The following CORO2B variants were observed in gnomAD, a reference collection of about 807,000 sequenced individuals.
The protein encoded by CORO2B is coronin 2B, also known as coronin-2B.
CORO2B carries 26 observed loss-of-function variants against 58.8 expected under a neutral mutation model. The observed-to-expected ratio is 0.44, with a 90% CI of 0.32 to 0.61. CORO2B has a LOEUF of 0.61. CORO2B is among the 20% of genes least tolerant of loss of function. The pLI is 0.04. For synonymous variants in CORO2B, 242 were observed against 253.8 expected (o/e 0.95, Z 0.44); for missense variants, 460 against 645.1 (o/e 0.71, Z 3.11).
intron 2 of CORO2B, among the ~76,000 whole-genome samples, chr15:68,691,250 AC>A (rs1415725838): frequency 2.7e-5 from 4 of 146,590 alleles, no homozygotes; most frequent in African/African-American, 7.7e-5. Flanking sequence ...AATGGCGTGA[AC>A]CCCGGGGGGC....
chr15:68,665,520 AT>A (rs1902163736), intron 2 of CORO2B, among the ~76,000 whole-genome samples: 1 of 150,668 alleles, frequency 6.6e-6, no homozygotes, highest in Non-Finnish European at 1.5e-5. Context: ...AAATATTGAT[AT>A]TTTATTGGGA....
At chr15:68,595,370 T>G (rs1170859838) in intron 1 of CORO2B, among the ~76,000 whole-genome samples, 1 of 152,226 alleles carries the variant, frequency 6.6e-6, no homozygotes, top group Non-Finnish European at 1.5e-5. Context: ...CCCTGGGAGT[T>G]GCAGACACCA....
At chr15:68,644,049 GAA>G (rs1901344400) in intron 1 of CORO2B, among the ~76,000 whole-genome samples, 1 of 151,256 alleles carries the variant, frequency 6.6e-6, no homozygotes, top group Non-Finnish European at 1.5e-5. Context: ...CAAACAAAAA[GAA>G]AAACCAACAA....
the CORO2B span, among the ~76,000 whole-genome samples, chr15:68,534,752 T>C: frequency 6.6e-6 from 1 of 152,158 alleles, no homozygotes; most frequent in Non-Finnish European, 1.5e-5. Flanking sequence ...ATGCTGCTGA[T>C]AAAGACATAC....
intron 2 of CORO2B, among the ~76,000 whole-genome samples, chr15:68,680,231 C>T (rs936353214): frequency 6.6e-6 from 1 of 152,034 alleles, no homozygotes; most frequent in Non-Finnish European, 1.5e-5. Flanking sequence ...GTCATTTGAT[C>T]CTGAATATAG....
intron 6 of CORO2B, 96 bp downstream of exon 6, chr15:68,714,137 C>T: frequency 1.3e-6 from 1 of 768,820 alleles, no homozygotes; most frequent in South Asian, 1.7e-5. Flanking sequence ...GGCCCGCACA[C>T]CAGCTTCTCA....
intron 2 of CORO2B, among the ~76,000 whole-genome samples, chr15:68,649,853 C>T (rs1901576188): frequency 6.6e-6 from 1 of 152,062 alleles, no homozygotes; most frequent in Non-Finnish European, 1.5e-5. Context: ...ACACATTATG[C>T]AGCCTTTGGA....
chr15:68,596,150 G>A (rs1246675494), intron 1 of CORO2B, among the ~76,000 whole-genome samples: 1 of 152,078 alleles, frequency 6.6e-6, no homozygotes, highest in Non-Finnish European at 1.5e-5. Context: ...AAAGAGATGC[G>A]ACGAAGTCAT....
chr15:68,623,649 A>T (rs1406877399), intron 1 of CORO2B, among the ~76,000 whole-genome samples: 1 of 152,078 alleles, frequency 6.6e-6, no homozygotes, highest in African/African-American at 2.4e-5. Flanking sequence ...TTGCTCCAGA[A>T]ATCCTGTTGG....
the CORO2B span, among the ~76,000 whole-genome samples, chr15:68,565,541 A>G: frequency 6.6e-6 from 1 of 151,202 alleles, no homozygotes. Context: ...ATATATATAT[A>G]TATATTTATA....
chr15:68,629,102 C>T (rs1003346584), intron 1 of CORO2B, among the ~76,000 whole-genome samples: 2 of 152,242 alleles, frequency 1.3e-5, no homozygotes, highest in African/African-American at 2.4e-5. Context: ...GCCATGGGAT[C>T]ATGCTGGGGA....
intron 8 of CORO2B, 87 bp from the exon 9 acceptor site, chr15:68,718,611 C>T (rs1481436636): frequency 4.2e-6 from 5 of 1,190,252 alleles, no homozygotes; most frequent in Non-Finnish European, 6.1e-6. Flanking sequence ...ATTCCTCAGC[C>T]TTTCCCCTGG....
intron 2 of CORO2B, among the ~76,000 whole-genome samples, chr15:68,656,560 A>T (rs1164527766): frequency 6.6e-6 from 1 of 151,994 alleles, no homozygotes; most frequent in African/African-American, 2.4e-5. Flanking sequence ...CTGGCAGCAA[A>T]TGCTTCAGAA....
intron 1 of CORO2B, among the ~76,000 whole-genome samples, chr15:68,643,985 C>T (rs1901341110): frequency 6.6e-6 from 1 of 151,950 alleles, no homozygotes. Context: ...TCCAGTGAGC[C>T]GAGATCGCAC....
chr15:68,531,781 T>C, the CORO2B span, among the ~76,000 whole-genome samples: 1 of 151,694 alleles, frequency 6.6e-6, no homozygotes, highest in Non-Finnish European at 1.5e-5. Context: ...CAAGTTTCCA[T>C]CTAGTATCAT....
chr15:68,725,220 T>G (rs1430267856), intron 11 of CORO2B, among the ~76,000 whole-genome samples: 1 of 151,852 alleles, frequency 6.6e-6, no homozygotes, highest in Non-Finnish European at 1.5e-5. Flanking sequence ...AATACAAAAA[T>G]TATCCAGGCA....
At chr15:68,600,232 C>A (rs1159494565) in intron 1 of CORO2B, among the ~76,000 whole-genome samples, 2 of 152,182 alleles carry the variant, frequency 1.3e-5, no homozygotes, top group Non-Finnish European at 2.9e-5. Flanking sequence ...TTTTGCAAAT[C>A]TTTCTAAAAT....
At position 68,677,154 on chromosome 15, in the gene CORO2B, C is replaced by T. The variant is rs1902616143; in HGVS notation, c.217-17986C>T. ...CCGGAGGCACACCCTCCCTCTCCTC[C>T]AAGCCATCTGTCAGTGCTCCCTCTT... On this transcript the variant is annotated intron_variant, in intron 2 of 11. Coordinates refer to ENST00000261861, the MANE Select transcript of CORO2B (RefSeq NM_006091.5). 2.0e-5 allele frequency among the ~76,000 whole-genome samples: 3 copies of T among 152,174 alleles called. No individual in the cohort carries two copies. The South Asian group carries it at 6.2e-4, about 32-fold the overall frequency.
At chr15:68,650,453 A>C (rs11631765) in intron 2 of CORO2B, among the ~76,000 whole-genome samples, 54,744 of 149,056 alleles carry the variant, frequency 0.37, 11,069 homozygotes, top group Non-Finnish European at 0.46. Context: ...CTCCACTAAA[A>C]ATACAAAACT....
Sources: gnomAD v4.1 joint callset for allele counts (sites outside exome capture counted in the v4.1 genomes callset) on GRCh38, gnomAD v4.1.1 for gene constraint, MANE v1.5 for transcripts, NCBI Gene and HGNC (gene_info 2026-07-23, HGNC 2026-07-21) for gene names.